Variants in NBAS observed in about 807,000 individuals in gnomAD.
The protein encoded by NBAS is NBAS subunit of NRZ tethering complex, also known as NAG/BC035112 fusion.
A neutral mutation model predicts 302.5 loss-of-function variants in NBAS; 219 were observed. The observed-to-expected ratio is 0.72, with a 90% CI of 0.65 to 0.81. NBAS has a LOEUF of 0.81. Among genes scored for constraint, NBAS ranks in the 30% least tolerant of loss-of-function variants. The probability of loss-of-function intolerance (pLI) is 0.00; values close to 1 mark genes in which losing one functional copy is unlikely to be tolerated. For synonymous variants in NBAS, 1,118 were observed against 1,021.6 expected, an observed-to-expected ratio of 1.09 and a Z score of -1.80; for missense variants, 2,932 against 2,841.6, an observed-to-expected ratio of 1.03 and a Z score of -0.72.
intron 6 of NBAS, among the ~76,000 whole-genome samples, chr2:15,545,285 G>A (rs753772067): frequency 6.6e-6 from 1 of 152,032 alleles, no homozygotes; most frequent in Non-Finnish European, 1.5e-5. Context: ...CTATAACAAT[G>A]AGAGCAAATT....
the NBAS span, among the ~76,000 whole-genome samples, chr2:15,121,631 C>T: frequency 6.6e-6 from 1 of 152,202 alleles, no homozygotes; most frequent in South Asian, 2.1e-4. Context: ...TAAAAGGAAG[C>T]AACAAACCAG....
chr2:15,251,779 T>G (rs1293948923), intron 44 of NBAS, among the ~76,000 whole-genome samples: 2 of 152,184 alleles, frequency 1.3e-5, no homozygotes, highest in Non-Finnish European at 2.9e-5. Flanking sequence ...TACTGCAAGC[T>G]GTTTTATCAG....
chr2:15,264,326 C>T (rs1331792720), intron 44 of NBAS, among the ~76,000 whole-genome samples: 5 of 152,196 alleles, frequency 3.3e-5, no homozygotes, highest in Non-Finnish European at 7.3e-5. Flanking sequence ...TTAGAATCCA[C>T]ATGCTTTGCA....
intron 23 of NBAS, 131 bp from the exon 24 acceptor site, chr2:15,417,843 TTTTTTATTTACTGCAAAAACA>T: frequency 2.3e-6 from 2 of 860,756 alleles, no homozygotes; most frequent in Non-Finnish European, 3.6e-6. Flanking sequence ...GTAACATACG[TTTTTTATTTACTGCAAAAACA>T]TCAGAGTCCT....
At position 15,232,453 on chromosome 2, in the gene NBAS, C is replaced by T; in HGVS notation, c.6205G>A (p.Val2069Ile). ...TCCACACTGGCGTGGACTGCTGCAA[C>T]AACACCTTCCAGGACCTTCAGTGGG... ...RDPLKVLEGVVAAVHASVDKG... is the reference protein window; with the variant it reads ...RDPLKVLEGVIAAVHASVDKG... The change falls in exon 47 of 52, where the codon GTT becomes ATT. Residue 2069 changes from valine to isoleucine, a missense_variant. Transcript: ENST00000281513. The T allele has an allele frequency of 6.2e-7, 1 of 1,614,136 alleles. No homozygotes were observed. Among genetic ancestry groups the T allele is most frequent in the Non-Finnish European group, 8.5e-7 (1 of 1,180,022 alleles).
chr2:15,034,011 AGAAGAAGAAGAAGAAGAGGAGGAG>A, the NBAS span, among the ~76,000 whole-genome samples: 9 of 47,144 alleles, frequency 1.9e-4, no homozygotes, highest in African/African-American at 6.4e-4. Flanking sequence ...AAGAAGAAGA[AGAAGAAGAAGAAGAAGAGGAGGAG>A]GAAGGAGGAG....
chr2:15,285,322 CT>C (rs1669989719), intron 42 of NBAS, among the ~76,000 whole-genome samples: 1 of 152,204 alleles, frequency 6.6e-6, no homozygotes, highest in South Asian at 2.1e-4. Flanking sequence ...TCTTTAAACT[CT>C]TTCTTCCCAT....
intron 40 of NBAS, among the ~76,000 whole-genome samples, chr2:15,295,042 G>A (rs1390154428): frequency 6.6e-6 from 1 of 152,000 alleles, no homozygotes; most frequent in East Asian, 1.9e-4. Context: ...TCTCCCAATG[G>A]TTTCTCATAG....
chr2:15,388,515 C>T (rs2148396607), intron 28 of NBAS, among the ~76,000 whole-genome samples: 1 of 152,078 alleles, frequency 6.6e-6, no homozygotes, highest in Middle Eastern at 3.4e-3. Context: ...AGTGACATAA[C>T]TCTTACACAT....
intron 42 of NBAS, among the ~76,000 whole-genome samples, chr2:15,283,943 A>G (rs1558501922): frequency 6.6e-6 from 1 of 152,176 alleles, no homozygotes; most frequent in Non-Finnish European, 1.5e-5. Context: ...CATGTCTAGA[A>G]TAGCCAGAAA....
chr2:14,921,426 A>C, the NBAS span, among the ~76,000 whole-genome samples: 1 of 152,190 alleles, frequency 6.6e-6, no homozygotes, highest in African/African-American at 2.4e-5. Flanking sequence ...GCACATGCTG[A>C]TGGAAAAAAG....
intron 6 of NBAS, among the ~76,000 whole-genome samples, chr2:15,543,027 C>T (rs1663926295): frequency 6.6e-6 from 1 of 152,158 alleles, no homozygotes; most frequent in Admixed American, 6.5e-5. Flanking sequence ...TCCAGTTGCT[C>T]GTGTGGCTTG....
At chr2:15,219,431 G>A (rs1466322751) in intron 47 of NBAS, among the ~76,000 whole-genome samples, 1 of 142,950 alleles carries the variant, frequency 7.0e-6, no homozygotes, top group African/African-American at 2.6e-5. Flanking sequence ...ATAAACAAGT[G>A]AACAAAGGTC....
At chr2:15,508,878 C>G (rs542292251) in intron 10 of NBAS, among the ~76,000 whole-genome samples, 1 of 152,200 alleles carries the variant, frequency 6.6e-6, no homozygotes, top group Admixed American at 6.5e-5. Context: ...TGGGGGGTGC[C>G]TGTAATCCCA....
At chr2:14,820,920 T>TTTTTC in the NBAS span, among the ~76,000 whole-genome samples, 3 of 151,912 alleles carry the variant, frequency 2.0e-5, no homozygotes, top group African/African-American at 4.8e-5. Flanking sequence ...CACTCTTTTT[T>TTTTTC]TTTTCTTTTC....
At chr2:15,228,155 A>C (rs979223525) in intron 47 of NBAS, among the ~76,000 whole-genome samples, 8 of 152,184 alleles carry the variant, frequency 5.3e-5, no homozygotes, top group Non-Finnish European at 1.0e-4. Flanking sequence ...AAATATAAAT[A>C]ATCTGACTTA....
At chr2:15,507,662 C>T (rs1404171406) in intron 10 of NBAS, among the ~76,000 whole-genome samples, 1 of 152,196 alleles carries the variant, frequency 6.6e-6, no homozygotes, top group Non-Finnish European at 1.5e-5. Flanking sequence ...TCCTTTGTCC[C>T]AGCTACTGAA....
chr2:15,129,425 G>A, the NBAS span, among the ~76,000 whole-genome samples: 1 of 152,134 alleles, frequency 6.6e-6, no homozygotes, highest in African/African-American at 2.4e-5. Flanking sequence ...GACAGTCACC[G>A]GAAAGAATGG....
chr2:14,927,027 A>C, the NBAS span, among the ~76,000 whole-genome samples: 1 of 152,232 alleles, frequency 6.6e-6, no homozygotes, highest in Non-Finnish European at 1.5e-5. Context: ...TCATCCAATC[A>C]GTTGAAGGCC....
Sources: allele counts gnomAD v4.1 joint callset (sites outside exome capture counted in the v4.1 genomes callset), GRCh38; gene constraint gnomAD v4.1.1; transcripts MANE v1.5; gene names NCBI Gene and HGNC (gene_info 2026-07-23, HGNC 2026-07-21).